Variants in ZFHX3 observed in about 807,000 individuals in gnomAD.
ZFHX3 encodes zinc finger homeobox protein 3.
Under a neutral mutation model 279.1 loss-of-function variants are expected in ZFHX3, and 42 were observed. That is an observed-to-expected ratio of 0.15 (90% confidence interval 0.12 to 0.19). The LOEUF (loss-of-function observed/expected upper bound fraction) is 0.19. Ranked by LOEUF, ZFHX3 falls within the 10% of genes least tolerant of loss-of-function variation. ZFHX3 has a pLI of 1.00. For missense variants in ZFHX3, 4,981 were observed against 4,754.0 expected (o/e 1.05, Z -1.40); for synonymous variants, 2,293 against 1,957.8 (o/e 1.17, Z -4.52).
At chr16:72,979,653 C>G (rs987722661) in intron 1 of ZFHX3, among the ~76,000 whole-genome samples, 2 of 152,152 alleles carry the variant, frequency 1.3e-5, no homozygotes, top group African/African-American at 4.8e-5. Flanking sequence ...CGCTTACAGA[C>G]TAGGTGATGG....
chr16:73,788,101 C>T (rs1241854684), intron 1 of ZFHX3, among the ~76,000 whole-genome samples: 2 of 152,064 alleles, frequency 1.3e-5, no homozygotes, highest in Non-Finnish European at 2.9e-5. Flanking sequence ...GAAGGTGCCA[C>T]CAGAACCTGG....
At chr16:73,612,267 C>A (rs557448691) in intron 2 of ZFHX3, among the ~76,000 whole-genome samples, 25 of 152,058 alleles carry the variant, frequency 1.6e-4, no homozygotes, top group African/African-American at 5.8e-4. Flanking sequence ...AAAACTCAAC[C>A]CCAAAAAGCT....
At chr16:73,475,113 C>T (rs191416359) in intron 2 of ZFHX3, among the ~76,000 whole-genome samples, 30 of 152,294 alleles carry the variant, frequency 2.0e-4, no homozygotes, top group Non-Finnish European at 2.9e-4. Context: ...ATTCTTTTTG[C>T]TGAGTAGTTC....
intron 5 of ZFHX3, among the ~76,000 whole-genome samples, chr16:73,247,659 C>G (rs1293498586): frequency 7.0e-6 from 1 of 143,508 alleles, no homozygotes; most frequent in African/African-American, 2.6e-5. Context: ...TATAATGTGT[C>G]TGTGTGTCTA....
rs150708280 is a variant in ZFHX3 at position 72,950,583 on chromosome 16, G to A, written c.3102C>T (p.Ile1034=). 3.2e-5 allele frequency: 51 copies of A among 1,614,188 alleles called. No homozygotes were observed. The Middle Eastern group carries it at 5.0e-4, about 16-fold the overall frequency. The change falls in exon 3 of 10, where the codon ATC becomes ATT. Residue 1034 remains isoleucine (I), a synonymous_variant. Coordinates refer to ENST00000268489, the MANE Select transcript of ZFHX3 (RefSeq NM_006885.4). ...TGCACTTGAGGTGCACGGGGTTGCCGATGGCCACACACTTGAGCCTCCACT... is the reference window on the plus strand; with the variant it reads ...TGCACTTGAGGTGCACGGGGTTGCCAATGGCCACACACTTGAGCCTCCACT... ...ANEWRLKCVA[I]GNPVHLKCNA...
chr16:73,338,648 C>A (rs1342523512), intron 3 of ZFHX3, among the ~76,000 whole-genome samples: 1 of 152,144 alleles, frequency 6.6e-6, no homozygotes, highest in East Asian at 1.9e-4. Flanking sequence ...TTCACATGCA[C>A]CCCCACCCCT....
intron 1 of ZFHX3, among the ~76,000 whole-genome samples, chr16:73,018,950 C>T (rs925544654): frequency 6.6e-6 from 1 of 152,152 alleles, no homozygotes; most frequent in Non-Finnish European, 1.5e-5. Context: ...ACTCTGACCT[C>T]GCTTCTAAGG....
chr16:73,055,847 T>TACACACACACAC lies in ZFHX3; in HGVS notation c.-24+2671_-24+2682dup, dbSNP rs10672414. Among the ~76,000 whole-genome samples, 998 of 138,662 alleles carry TACACACACACAC rather than the reference T, an allele frequency of 7.2e-3. 10 individuals are homozygous for TACACACACACAC. Among genetic ancestry groups the TACACACACACAC allele is most frequent in the African/African-American group, 0.014 (513 of 36,584 alleles). 91.0% of individuals were successfully genotyped at this position (138,662 alleles called of 152,430 possible). Reference sequence around the variant, plus strand: ...CCCCAAATCCTCATACCTACAACTCTACACACACACACACACACACACACA... The same window carrying TACACACACACAC: ...CCCCAAATCCTCATACCTACAACTCTACACACACACACACACACACACACACACACACACACA... On this transcript the variant is annotated intron_variant, in intron 1 of 8. Transcript: ENST00000397992.
intron 1 of ZFHX3, among the ~76,000 whole-genome samples, chr16:73,773,102 T>C (rs1363360373): frequency 6.6e-6 from 1 of 152,172 alleles, no homozygotes; most frequent in East Asian, 1.9e-4. Flanking sequence ...AATCAGTAAA[T>C]AAATGGAAAT....
intron 1 of ZFHX3, among the ~76,000 whole-genome samples, chr16:72,976,311 G>C (rs199953197): frequency 3.3e-5 from 5 of 152,136 alleles, no homozygotes; most frequent in African/African-American, 9.7e-5. Flanking sequence ...TTAAGCCATG[G>C]TAAGATTCGG....
intron 5 of ZFHX3, among the ~76,000 whole-genome samples, chr16:73,147,691 C>CAA (rs56079754): frequency 0.17 from 6,941 of 40,954 alleles, 1,182 homozygotes; most frequent in Non-Finnish European, 0.21. Context: ...GACTCCGTCT[C>CAA]AAAAAAAAAA....
intron 1 of ZFHX3, among the ~76,000 whole-genome samples, chr16:73,856,640 A>G (rs1053987916): frequency 6.6e-6 from 1 of 152,222 alleles, no homozygotes; most frequent in African/African-American, 2.4e-5. Context: ...ATCTGTGAAT[A>G]CTTCATTTAA....
rs1035259431 is a variant in ZFHX3 at position 72,784,336 on chromosome 16, G to A, written c.*2828C>T. The A allele has an allele frequency of 1.3e-5, 2 of 152,016 alleles. No homozygotes were observed. Among genetic ancestry groups the A allele is most frequent in the Non-Finnish European group, 2.9e-5 (2 of 67,934 alleles). The allele number at this position is 152,016 out of a possible 1,614,324, so 9.4% of individuals were successfully genotyped here. ...TTATAAAGAAAAGAACTTAAAAGTT[G>A]AGGGGGGAGGGAAAAGGATAGAAAT... On this transcript the variant is annotated 3_prime_UTR_variant, in exon 10 of 10. Transcript: ENST00000268489.
intron 6 of ZFHX3, among the ~76,000 whole-genome samples, chr16:73,134,976 T>C (rs1014889693): frequency 2.0e-5 from 3 of 152,174 alleles, no homozygotes; most frequent in African/African-American, 4.8e-5. Flanking sequence ...TCAACCTGTG[T>C]TGATTGAACA....
intron 3 of ZFHX3, among the ~76,000 whole-genome samples, chr16:73,440,356 A>C (rs372054734): frequency 2.6e-5 from 4 of 152,318 alleles, no homozygotes; most frequent in South Asian, 4.1e-4. Flanking sequence ...GAACTCCAGA[A>C]ATTTTACATG....
intron 1 of ZFHX3, among the ~76,000 whole-genome samples, chr16:73,706,176 C>T (rs182244419): frequency 6.6e-5 from 10 of 152,006 alleles, no homozygotes; most frequent in Admixed American, 2.0e-4. Flanking sequence ...AGAAAGAAAT[C>T]GTTGTTGGGT....
intron 3 of ZFHX3, among the ~76,000 whole-genome samples, chr16:73,322,914 T>C (rs2015606644): frequency 1.3e-5 from 2 of 152,186 alleles, no homozygotes; most frequent in South Asian, 4.1e-4. Flanking sequence ...CTGCCACTTG[T>C]TTTGTGTAAT....
intron 2 of ZFHX3, among the ~76,000 whole-genome samples, chr16:73,488,424 A>G (rs947098720): frequency 6.6e-6 from 1 of 152,186 alleles, no homozygotes; most frequent in Non-Finnish European, 1.5e-5. Context: ...CCACATCAGC[A>G]GGGACCTCAT....
chr16:72,794,910 C>G lies in ZFHX3; in HGVS notation c.7772G>C (p.Gly2591Ala). Reference sequence around the variant, plus strand: ...GCTTGCTGGAATCTGAGGTATGGCCCCAGAGAGCAGCTGGCTGGCCAGGAG... The same window carrying G: ...GCTTGCTGGAATCTGAGGTATGGCCGCAGAGAGCAGCTGGCTGGCCAGGAG... Reference protein sequence around the residue: ...NPLLASQLLSGAIPQIPASSA... With the variant: ...NPLLASQLLSAAIPQIPASSA... The change falls in exon 9 of 10, where the codon GGG becomes GCG. Residue 2591 changes from glycine to alanine, a missense_variant. Coordinates refer to ENST00000268489, the MANE Select transcript of ZFHX3 (RefSeq NM_006885.4). This position sits in a 1 kb window ranked among gnomAD's most constrained non-coding sequence, Gnocchi z 4.2. The G allele has an allele frequency of 6.2e-7, 1 of 1,614,016 alleles. No homozygotes were observed. Among genetic ancestry groups the G allele is most frequent in the South Asian group, 1.1e-5 (1 of 91,072 alleles).
Sources: allele counts gnomAD v4.1 joint callset (sites outside exome capture counted in the v4.1 genomes callset), GRCh38; gene constraint gnomAD v4.1.1; non-coding constraint Gnocchi (gnomAD v3.1); transcripts MANE v1.5; gene names NCBI Gene and HGNC (gene_info 2026-07-23, HGNC 2026-07-21).